Variants in IFT172 observed in about 807,000 individuals in gnomAD.
IFT172 encodes the protein intraflagellar transport 172, also known as intraflagellar transport protein 172 homolog.
In IFT172, 164 loss-of-function variants were observed where a neutral mutation model predicts 248.9. That is an observed-to-expected ratio of 0.66 (90% CI 0.58 to 0.75). The LOEUF (loss-of-function observed/expected upper bound fraction) is 0.75. IFT172 is among the 30% of genes least tolerant of loss of function. IFT172 has a pLI of 0.00. For missense variants in IFT172, 1,950 were observed against 2,192.4 expected, an observed-to-expected ratio of 0.89 and a Z score of 2.21; for synonymous variants, 729 against 791.6, an observed-to-expected ratio of 0.92 and a Z score of 1.33.
At position 27,445,585 on chromosome 2, in the gene IFT172, G is replaced by C; in HGVS notation, c.4915-136C>G. ...TAGCCACGAATCCTCCTTGGATTGG[G>C]GGATGCAGTCACAGCCTTTTCTTTC... On this transcript the variant is annotated intron_variant, in intron 45 of 47. Coordinates refer to ENST00000260570, the MANE Select transcript of IFT172 (RefSeq NM_015662.3). The surrounding 1 kb of genome is among the most constrained non-coding windows in gnomAD (Gnocchi z 4.4). 2 of 1,284,028 alleles carry C rather than the reference G, an allele frequency of 1.6e-6. No individual in the cohort carries two copies. Among genetic ancestry groups the C allele is most frequent in the South Asian group, 2.9e-5 (2 of 68,306 alleles). 79.5% of individuals were successfully genotyped at this position (1,284,028 alleles called of 1,614,324 possible).
intron 20 of IFT172, among the ~76,000 whole-genome samples, chr2:27,462,325 G>A (rs941142445): frequency 6.6e-6 from 1 of 152,070 alleles, no homozygotes. Context: ...GAGCCACCAC[G>A]CCTGGCCTAA....
chr2:27,450,834 T>C (rs1043039622), intron 35 of IFT172, among the ~76,000 whole-genome samples: 7 of 152,242 alleles, frequency 4.6e-5, no homozygotes, highest in South Asian at 2.1e-4. Context: ...TCAAGTGATC[T>C]GCCCACCGTG....
chr2:27,484,152 T>C, intron 4 of IFT172, 75 bp downstream of exon 4: 5 of 1,582,172 alleles, frequency 3.2e-6, no homozygotes, highest in Non-Finnish European at 4.3e-6. Flanking sequence ...ATGCAACTCC[T>C]GGCTGTATTT....
In IFT172 at chr2:27,461,835, T is replaced by C; in HGVS notation, c.2117A>G (p.Asn706Ser). The C allele has an allele frequency of 1.2e-6, 2 of 1,614,082 alleles. No homozygotes were observed. Among genetic ancestry groups the C allele is most frequent in the East Asian group, 4.5e-5 (2 of 44,864 alleles). Residue 706 changes from asparagine to serine, a missense_variant and splice_region_variant, in exon 21 of 48, where the codon AAT (asparagine) becomes AGT (serine). By Grantham distance (46) the Asn-to-Ser change is conservative. Coordinates refer to ENST00000260570, the MANE Select transcript of IFT172 (RefSeq NM_015662.3). The stretch of plus-strand genomic sequence containing the variant: ...CATGCCCATGGCCTCCTCCACAGCA[T>C]TCTAGGGGAAACAGGCAGAGCAGAG... The part of the protein sequence containing the change: ...KLAEMIFLEQ[N>S]AVEEAMGMYQ...
chr2:27,462,202 T>G (rs1172900791), intron 20 of IFT172, among the ~76,000 whole-genome samples: 1 of 152,032 alleles, frequency 6.6e-6, no homozygotes, highest in East Asian at 1.9e-4. Context: ...CTGGCTAATT[T>G]TTTGTATTTT....
chr2:27,456,468 C>G, intron 30 of IFT172, 43 bp downstream of exon 30: 5 of 1,581,898 alleles, frequency 3.2e-6, no homozygotes, highest in Non-Finnish European at 4.3e-6. Flanking sequence ...GATAGTGGCT[C>G]TGGCTGGGAT....
At chr2:27,484,150 C>G in intron 4 of IFT172, 77 bp downstream of exon 4, 2 of 1,578,918 alleles carry the variant, frequency 1.3e-6, no homozygotes, top group South Asian at 1.1e-5. Context: ...AAATGCAACT[C>G]CTGGCTGTAT....
chr2:27,480,646 A>ATGC (rs1340467620), intron 8 of IFT172, among the ~76,000 whole-genome samples: 1 of 152,212 alleles, frequency 6.6e-6, no homozygotes, highest in Non-Finnish European at 1.5e-5. Context: ...TAGCATATAG[A>ATGC]TGCTAATCTA....
chr2:27,481,533 ATTTTCTT>A (rs1558411836), intron 7 of IFT172, among the ~76,000 whole-genome samples: 1 of 149,940 alleles, frequency 6.7e-6, no homozygotes, highest in African/African-American at 2.5e-5. Flanking sequence ...GTATATTGGA[ATTTTCTT>A]TTTTCTTTTT....
At chr2:27,470,855 C>G in intron 16 of IFT172, 73 bp downstream of exon 16, 1 of 1,412,406 alleles carries the variant, frequency 7.1e-7, no homozygotes, top group Non-Finnish European at 9.5e-7. Flanking sequence ...AACCAAGTAG[C>G]CTTCAGAGTC....
intron 10 of IFT172, among the ~76,000 whole-genome samples, chr2:27,478,686 A>T (rs1668140046): frequency 6.6e-6 from 1 of 152,244 alleles, no homozygotes. Flanking sequence ...ACAGATAATT[A>T]TCTGTGTATT....
chr2:27,450,338 T>C (rs1204763935), intron 35 of IFT172, among the ~76,000 whole-genome samples: 1 of 152,230 alleles, frequency 6.6e-6, no homozygotes, highest in Non-Finnish European at 1.5e-5. Context: ...CTGCGCTGCC[T>C]GAGGTCACTG....
In IFT172 at chr2:27,453,992, T is replaced by C. The variant is rs1572737469; in HGVS notation, c.3701A>G (p.Asn1234Ser). 5 of 1,610,434 alleles carry C rather than the reference T, an allele frequency of 3.1e-6. No homozygotes were observed. The highest frequency in any genetic ancestry group is 1.3e-5 in the African/African-American group (1 of 74,618). Residue 1234 changes from asparagine to serine, a missense_variant, in exon 33 of 48, where the codon AAT (asparagine) becomes AGT (serine). Physicochemically the swap from Asn to Ser is conservative, Grantham distance 46 (BLOSUM62 1). This residue lies in a region of IFT172 where 620 missense variants were observed against 699.0 expected (regional missense o/e 0.89). Coordinates refer to ENST00000260570, the MANE Select transcript of IFT172 (RefSeq NM_015662.3). ...LRAQRPGLAL[N>S]YYKEAGLWSD... ...CATCCAGTGCCCCACCTTATAATAA[T>C]TGAGGGCCAGGCCTGGTCTCTGGGC...
chr2:27,444,982 C>CT, intron 47 of IFT172, 32 bp downstream of exon 47: 4 of 1,605,788 alleles, frequency 2.5e-6, no homozygotes, highest in Non-Finnish European at 3.4e-6. Flanking sequence ...GCTGCCCTCT[C>CT]TGCCTTCATT....
At position 27,458,251 on chromosome 2, in the gene IFT172, T is replaced by G. The variant is rs200155790; in HGVS notation, c.2878-28A>C. On this transcript the variant is annotated intron_variant, in intron 26 of 47. Transcript: ENST00000260570. ...GTGGAGGCACAGAGGCAAGGCAGCC[T>G]CAGATCCAATTCCCCAGGGAAGCAG... 25 of 1,583,548 alleles carry G rather than the reference T, an allele frequency of 1.6e-5. No homozygotes were observed. The East Asian group carries it at 5.4e-4, about 34-fold the overall frequency.
In IFT172 at chr2:27,454,752, G is replaced by A. The variant is rs1355274878; in HGVS notation, c.3372-92C>T. On this transcript the variant is annotated intron_variant, in intron 30 of 47. Transcript: ENST00000260570. The surrounding 1 kb of genome is among the most constrained non-coding windows in gnomAD (Gnocchi z 4.2). ...AACAGAGAAAGGACAGAGTTGAGGG[G>A]AGAAAAAGTGACAGATTTAAGGATA... 2.9e-6 allele frequency: 3 copies of A among 1,029,314 alleles called. No individual in the cohort carries two copies. Among genetic ancestry groups the A allele is most frequent in the African/African-American group, 1.6e-5 (1 of 61,920 alleles). 63.8% of individuals were successfully genotyped at this position (1,029,314 alleles called of 1,614,324 possible). A position where few individuals can be genotyped will look rare whatever the true frequency, so the allele number is the denominator to read the frequency against.
chr2:27,480,061 AGGCAGTGATGGTG>A lies in IFT172; in HGVS notation c.861_873del (p.Thr288TrpfsTer37). ...CGTGAGCCATCCCGCTTCCAGGCCA[AGGCAGTGATGGTG>A]TATAAATTGGTAATCTCCTTGGGCT... On this transcript the variant is annotated frameshift_variant, in exon 9 of 48. Coordinates refer to ENST00000260570, the MANE Select transcript of IFT172 (RefSeq NM_015662.3). LOFTEE classifies it high-confidence loss of function. The A allele has an allele frequency of 6.2e-7, 1 of 1,613,978 alleles. No homozygotes were observed. Among genetic ancestry groups the A allele is most frequent in the Non-Finnish European group, 8.5e-7 (1 of 1,179,894 alleles).
At chr2:27,453,888 C>T (rs929833080) in intron 33 of IFT172, 94 bp downstream of exon 33, 1 of 1,447,600 alleles carries the variant, frequency 6.9e-7, no homozygotes, top group Non-Finnish European at 9.5e-7. Context: ...TACTAACCTC[C>T]CTGATCTTTC....
At chr2:27,448,786 G>T (rs905705036) in intron 40 of IFT172, 129 bp downstream of exon 40, 15 of 688,138 alleles carry the variant, frequency 2.2e-5, no homozygotes, top group Non-Finnish European at 3.2e-5. Context: ...GGAGATGCGT[G>T]GGGGGCTCTG....
Sources: allele counts gnomAD v4.1 joint callset (sites outside exome capture counted in the v4.1 genomes callset), GRCh38; gene constraint gnomAD v4.1.1; regional missense constraint gnomAD v4.1.1; non-coding constraint Gnocchi (gnomAD v3.1); transcripts MANE v1.5; gene names NCBI Gene and HGNC (gene_info 2026-07-23, HGNC 2026-07-21).